The following CDH12 variants were observed in gnomAD, a reference collection of about 807,000 sequenced individuals.
CDH12 encodes cadherin-12.
A neutral mutation model predicts 74.1 loss-of-function variants in CDH12; 41 were observed. That is an observed-to-expected ratio of 0.55 (90% confidence interval 0.43 to 0.72). The LOEUF is 0.72. Ranked by LOEUF, CDH12 falls within the 30% of genes least tolerant of loss-of-function variation. The probability of loss-of-function intolerance (pLI) is 0.00; values close to 1 mark genes in which losing one functional copy is unlikely to be tolerated. For synonymous variants in CDH12, 399 were observed against 355.0 expected, an observed-to-expected ratio of 1.12 and a Z score of -1.39; for missense variants, 945 against 977.2, an observed-to-expected ratio of 0.97 and a Z score of 0.44.
chr5:22,616,375 C>G (rs1257636750), intron 1 of CDH12, among the ~76,000 whole-genome samples: 1 of 152,026 alleles, frequency 6.6e-6, no homozygotes, highest in Non-Finnish European at 1.5e-5. Context: ...ATGCAGGAAA[C>G]CATTCTCATT....
chr5:22,636,662 G>A (rs1487635369), intron 1 of CDH12, among the ~76,000 whole-genome samples: 1 of 152,144 alleles, frequency 6.6e-6, no homozygotes, highest in Non-Finnish European at 1.5e-5. Flanking sequence ...CAATGTCTGA[G>A]GGAGGGTCAA....
intron 1 of CDH12, among the ~76,000 whole-genome samples, chr5:22,663,616 G>A (rs1319441789): frequency 1.3e-5 from 2 of 152,228 alleles, no homozygotes; most frequent in East Asian, 1.9e-4. Flanking sequence ...CCTCATGTGA[G>A]CTGAATGTAA....
intron 1 of CDH12, among the ~76,000 whole-genome samples, chr5:22,616,737 T>C (rs531350628): frequency 1.3e-4 from 20 of 152,186 alleles, no homozygotes; most frequent in African/African-American, 4.3e-4. Flanking sequence ...ATGATCTGAA[T>C]GTCTGTGTCC....
At chr5:22,633,666 T>A (rs1474088295) in intron 1 of CDH12, among the ~76,000 whole-genome samples, 2 of 152,148 alleles carry the variant, frequency 1.3e-5, no homozygotes, top group African/African-American at 4.8e-5. Flanking sequence ...ATGACAGTGA[T>A]CTTCTCCTGC....
chr5:22,171,345 A>G (rs1356510747), intron 4 of CDH12, among the ~76,000 whole-genome samples: 3 of 151,930 alleles, frequency 2.0e-5, no homozygotes, highest in Non-Finnish European at 2.9e-5. Context: ...CTAGATGGCT[A>G]TTAAGCATTG....
rs572207651 is a variant in CDH12, at chr5:21,960,955, C to T, written c.526+14136G>A. Among the ~76,000 whole-genome samples, 59 of 151,914 alleles carry T rather than the reference C, an allele frequency of 3.9e-4. No individual in the cohort carries two copies. The South Asian group carries it at 5.0e-3, about 13-fold the overall frequency. Reference sequence around the variant, plus strand: ...AAATTATTGAGACTTATTTAATGGCCGAGACTACATAGTCCTTCATAAACG... The same window carrying T: ...AAATTATTGAGACTTATTTAATGGCTGAGACTACATAGTCCTTCATAAACG... On this transcript the variant is annotated intron_variant, in intron 6 of 14. Coordinates refer to ENST00000382254, the MANE Select transcript of CDH12 (RefSeq NM_004061.5).
At chr5:21,921,916 A>G (rs1480133105) in intron 6 of CDH12, among the ~76,000 whole-genome samples, 1 of 152,192 alleles carries the variant, frequency 6.6e-6, no homozygotes, top group Non-Finnish European at 1.5e-5. Flanking sequence ...ATTGCCTCAA[A>G]CTGGCTAACT....
intron 1 of CDH12, among the ~76,000 whole-genome samples, chr5:22,717,046 A>G (rs1350423337): frequency 6.6e-6 from 1 of 152,140 alleles, no homozygotes; most frequent in Non-Finnish European, 1.5e-5. Context: ...TAGTTATAGG[A>G]AGCTAAAGTT....
At chr5:22,446,223 C>T (rs1744810404) in intron 2 of CDH12, among the ~76,000 whole-genome samples, 1 of 152,066 alleles carries the variant, frequency 6.6e-6, no homozygotes, top group Non-Finnish European at 1.5e-5. Context: ...ACCAAAGCTG[C>T]TCTCTCTAGG....
At chr5:22,015,981 G>T (rs1580116679) in intron 5 of CDH12, among the ~76,000 whole-genome samples, 2 of 152,092 alleles carry the variant, frequency 1.3e-5, no homozygotes, top group South Asian at 2.1e-4. Flanking sequence ...GTAGAAATCT[G>T]TTATCATCTT....
chr5:22,851,863 T>TAATGATGAGGCGCTGCCACTG (rs1457875036), intron 1 of CDH12, among the ~76,000 whole-genome samples: 1 of 152,202 alleles, frequency 6.6e-6, no homozygotes, highest in East Asian at 1.9e-4. Context: ...TAGGATAATT[T>TAATGATGAGGCGCTGCCACTG]AATGATGAGG....
intron 13 of CDH12, among the ~76,000 whole-genome samples, chr5:21,759,272 T>G (rs1357447913): frequency 6.6e-6 from 1 of 152,082 alleles, no homozygotes; most frequent in Admixed American, 6.6e-5. Context: ...TTTTTAATGA[T>G]TAGAGTTTCA....
At chr5:21,839,532 G>A (rs1749722006) in intron 8 of CDH12, among the ~76,000 whole-genome samples, 1 of 151,912 alleles carries the variant, frequency 6.6e-6, no homozygotes, top group African/African-American at 2.4e-5. Flanking sequence ...AAAGCATTTG[G>A]CCTTTAGACA....
chr5:22,557,191 T>C (rs565236231), intron 1 of CDH12, among the ~76,000 whole-genome samples: 2 of 152,242 alleles, frequency 1.3e-5, no homozygotes, highest in South Asian at 4.1e-4. Flanking sequence ...AATTAATTTG[T>C]TAAATACATA....
chr5:21,863,833 T>G (rs1423297541), intron 6 of CDH12, among the ~76,000 whole-genome samples: 1 of 152,158 alleles, frequency 6.6e-6, no homozygotes, highest in African/African-American at 2.4e-5. Context: ...CAGAATAACA[T>G]GAACGTTTCT....
intron 3 of CDH12, among the ~76,000 whole-genome samples, chr5:22,400,967 C>T (rs973599200): frequency 2.0e-5 from 3 of 152,046 alleles, no homozygotes; most frequent in Admixed American, 6.6e-5. Context: ...TTTTGTGCTT[C>T]GTGGAGAAGA....
chr5:22,727,968 T>C (rs1177264861), intron 1 of CDH12, among the ~76,000 whole-genome samples: 4 of 151,814 alleles, frequency 2.6e-5, no homozygotes, highest in African/African-American at 9.7e-5. Context: ...AATTTAGAAA[T>C]TGTTGTTGCC....
At chr5:21,965,506 C>G (rs1756539687) in intron 6 of CDH12, among the ~76,000 whole-genome samples, 1 of 151,742 alleles carries the variant, frequency 6.6e-6, no homozygotes, top group Admixed American at 6.6e-5. Flanking sequence ...TGACATATTT[C>G]TTTTTCGTTG....
intron 1 of CDH12, among the ~76,000 whole-genome samples, chr5:22,523,536 T>A (rs1011341981): frequency 6.6e-6 from 1 of 152,224 alleles, no homozygotes; most frequent in Non-Finnish European, 1.5e-5. Flanking sequence ...AAATATCAAA[T>A]ATTTCAGGTT....
Sources: gnomAD v4.1 joint callset for allele counts (sites outside exome capture counted in the v4.1 genomes callset) on GRCh38, gnomAD v4.1.1 for gene constraint, MANE v1.5 for transcripts, NCBI Gene and HGNC (gene_info 2026-07-23, HGNC 2026-07-21) for gene names.